Variants in COL22A1 observed in about 807,000 individuals in gnomAD.
COL22A1 encodes the protein collagen type XXII alpha 1 chain, also known as collagen alpha-1(XXII) chain.
Under a neutral mutation model 248.9 loss-of-function variants are expected in COL22A1, and 221 were observed. The observed-to-expected ratio is 0.89, with a 90% CI of 0.80 to 0.99. The LOEUF (loss-of-function observed/expected upper bound fraction) is 0.99. Among genes scored for constraint, COL22A1 ranks in the 50% least tolerant of loss-of-function variants. COL22A1 has a pLI of 0.00. For synonymous variants in COL22A1, 891 were observed against 793.4 expected, an observed-to-expected ratio of 1.12 and a Z score of -2.07; for missense variants, 2,240 against 2,179.0, an observed-to-expected ratio of 1.03 and a Z score of -0.56.
At chr8:138,805,259 A>T (rs1817411860) in intron 10 of COL22A1, among the ~76,000 whole-genome samples, 1 of 108,996 alleles carries the variant, frequency 9.2e-6, no homozygotes, top group Non-Finnish European at 1.8e-5. Flanking sequence ...TGATGATGTG[A>T]GCATGCATGT....
chr8:138,700,856 G>A (rs1037540137), intron 31 of COL22A1, among the ~76,000 whole-genome samples: 6 of 152,126 alleles, frequency 3.9e-5, no homozygotes, highest in Admixed American at 1.3e-4. Flanking sequence ...GTGATGCCGG[G>A]TGCCTGTAGT....
At chr8:138,623,852 G>A in intron 51 of COL22A1, 67 bp from the exon 52 acceptor site, 2 of 1,401,234 alleles carry the variant, frequency 1.4e-6, no homozygotes, top group Non-Finnish European at 2.0e-6. Flanking sequence ...GACGAAGGCA[G>A]TTTCAGCATG....
chr8:138,806,421 A>C (rs1189714175), intron 10 of COL22A1, among the ~76,000 whole-genome samples: 1 of 151,816 alleles, frequency 6.6e-6, no homozygotes, highest in Non-Finnish European at 1.5e-5. Flanking sequence ...GAGGGATGCC[A>C]AGGAAATATC....
rs59772852 is a variant in COL22A1 at position 138,660,455 on chromosome 8, C to T, written c.3266G>A (p.Arg1089Lys). 1,189 of 1,613,520 alleles carry T rather than the reference C, an allele frequency of 7.4e-4. 10 individuals are homozygous for T. The African/African-American group carries it at 0.014, about 19-fold the overall frequency. ...ACATACCGGCTTGCCAGGAGGCCCT[C>T]TTTCTCCTGGATTTCCTGGTGCACC... ...RDGAPGNPGERGPPGKPGLSS... is the reference protein window; with the variant it reads ...RDGAPGNPGEKGPPGKPGLSS... The change falls in exon 44 of 65, where the codon AGA (arginine) becomes AAA (lysine). Residue 1089 changes from arginine to lysine, a missense_variant. Transcript: ENST00000303045.
chr8:138,671,201 A>G (rs11994143), intron 41 of COL22A1, among the ~76,000 whole-genome samples: 9,439 of 152,242 alleles, frequency 0.062, 711 homozygotes, highest in African/African-American at 0.18. Flanking sequence ...AAAGTAAGGT[A>G]TGTCATGAAT....
chr8:138,836,666 T>C (rs903325355), intron 4 of COL22A1, among the ~76,000 whole-genome samples: 5 of 152,232 alleles, frequency 3.3e-5, no homozygotes, highest in Non-Finnish European at 5.9e-5. Flanking sequence ...ATCAGTCTCA[T>C]CTGTAAACTG....
chr8:138,616,284 C>A (rs899602914), intron 54 of COL22A1, among the ~76,000 whole-genome samples: 1 of 152,216 alleles, frequency 6.6e-6, no homozygotes, highest in Non-Finnish European at 1.5e-5. Context: ...CCTCTCTGTG[C>A]AGCTCAAGCA....
intron 7 of COL22A1, among the ~76,000 whole-genome samples, chr8:138,819,721 T>C (rs139779541): frequency 0.011 from 1,689 of 148,468 alleles, 33 homozygotes; most frequent in African/African-American, 0.038. Context: ...TTATATATTA[T>C]ATATAATTTA....
In COL22A1 at chr8:138,812,900, C is replaced by T. The variant is rs755124052; in HGVS notation, c.1326+39G>A. The T allele has an allele frequency of 2.7e-6, 4 of 1,472,382 alleles. No individual in the cohort carries two copies. In the African/African-American group the frequency reaches 4.2e-5, roughly 15 times the overall value. 91.2% of individuals were successfully genotyped at this position (1,472,382 alleles called of 1,614,324 possible). A position where few individuals can be genotyped will look rare whatever the true frequency, so the allele number is the denominator to read the frequency against. On this transcript the variant is annotated intron_variant, in intron 8 of 64. Coordinates refer to ENST00000303045, the MANE Select transcript of COL22A1 (RefSeq NM_152888.3). ...CCCCTTCCCTCTGGAGGCCACACAC[C>T]CATTTCCTCCCATCCTCTCTGTGCG... is the stretch of plus-strand genomic sequence containing the variant.
chr8:138,763,810 G>A (rs1000848700), intron 16 of COL22A1, among the ~76,000 whole-genome samples: 5 of 152,102 alleles, frequency 3.3e-5, no homozygotes, highest in South Asian at 2.1e-4. Context: ...TCATCTAAAT[G>A]AGAGACTCTC....
intron 59 of COL22A1, 25 bp downstream of exon 59, chr8:138,604,709 G>C: frequency 6.2e-7 from 1 of 1,610,684 alleles, no homozygotes; most frequent in South Asian, 1.1e-5. Context: ...GGTTGCCAAG[G>C]GGTGAGTGGG....
chr8:138,607,094 T>A (rs1244691397), intron 57 of COL22A1, among the ~76,000 whole-genome samples: 1 of 152,146 alleles, frequency 6.6e-6, no homozygotes, highest in Admixed American at 6.5e-5. Flanking sequence ...GCTAGGGTGA[T>A]CAGATGCCGA....
intron 16 of COL22A1, among the ~76,000 whole-genome samples, chr8:138,767,298 G>A (rs1486770522): frequency 6.6e-6 from 1 of 152,138 alleles, no homozygotes; most frequent in Non-Finnish European, 1.5e-5. Flanking sequence ...TCACTTGGAA[G>A]GGACCAGCAA....
At chr8:138,894,715 C>A (rs979751930) in intron 1 of COL22A1, among the ~76,000 whole-genome samples, 1 of 152,000 alleles carries the variant, frequency 6.6e-6, no homozygotes, top group Non-Finnish European at 1.5e-5. Flanking sequence ...GGAGAGAAGC[C>A]CCATATGTCC....
intron 41 of COL22A1, among the ~76,000 whole-genome samples, chr8:138,671,900 G>T (rs1825066084): frequency 6.6e-6 from 1 of 151,940 alleles, no homozygotes; most frequent in Admixed American, 6.6e-5. Context: ...CTGCTTTGTT[G>T]TAAGAATATA....
intron 61 of COL22A1, among the ~76,000 whole-genome samples, chr8:138,597,698 C>T (rs780683726): frequency 3.9e-5 from 6 of 152,230 alleles, no homozygotes; most frequent in Non-Finnish European, 5.9e-5. Flanking sequence ...ATCTCTGTAG[C>T]CCCATACCTG....
At position 138,630,731 on chromosome 8, in the gene COL22A1, T is replaced by G. The variant is rs4131277; in HGVS notation, c.3627A>C (p.Ala1209=). ...NPGPPGADGI[A]GAAGPPGIQG... Reference sequence around the variant, plus strand: ...GGATTCCTGGTGGTCCAGCAGCTCCTGCAATTCCATCTGCCCCCTAAAAAA... The same window carrying G: ...GGATTCCTGGTGGTCCAGCAGCTCCGGCAATTCCATCTGCCCCCTAAAAAA... The change falls in exon 50 of 65, where the codon GCA becomes GCC. Residue 1209 remains alanine (A), a synonymous_variant. Coordinates refer to ENST00000303045, the MANE Select transcript of COL22A1 (RefSeq NM_152888.3). 1 of 1,613,678 alleles carries G rather than the reference T, an allele frequency of 6.2e-7. No homozygotes were observed. Among genetic ancestry groups the G allele is most frequent in the Non-Finnish European group, 8.5e-7 (1 of 1,179,790 alleles).
At chr8:138,856,500 CAGAG>C (rs771503806) in intron 3 of COL22A1, among the ~76,000 whole-genome samples, 9 of 146,226 alleles carry the variant, frequency 6.2e-5, no homozygotes, top group South Asian at 2.2e-4. Flanking sequence ...GCGAGAGAGA[CAGAG>C]AGAGAGAGAA....
intron 25 of COL22A1, 157 bp from the exon 26 acceptor site, chr8:138,722,246 G>A (rs1313476978): frequency 3.2e-6 from 2 of 621,772 alleles, no homozygotes; most frequent in Non-Finnish European, 5.8e-6. Flanking sequence ...CAGAGCGACT[G>A]TGGTCTCTGT....
Sources: allele counts gnomAD v4.1 joint callset (sites outside exome capture counted in the v4.1 genomes callset), GRCh38; gene constraint gnomAD v4.1.1; transcripts MANE v1.5; gene names NCBI Gene and HGNC (gene_info 2026-07-23, HGNC 2026-07-21).